Variants in AP1B1 observed in about 807,000 individuals in gnomAD.
AP1B1 encodes the protein AP-1 complex subunit beta-1.
Under a neutral mutation model 104.3 loss-of-function variants are expected in AP1B1, and 36 were observed. The ratio of observed to expected loss-of-function variants is 0.35; its 90% CI spans 0.26 to 0.46. AP1B1 has a LOEUF of 0.46. Among genes scored for constraint, AP1B1 ranks in the 20% least tolerant of loss-of-function variants. AP1B1 has a pLI of 1.00. For missense variants in AP1B1, 901 were observed against 1,247.9 expected (o/e 0.72, Z 4.19); for synonymous variants, 504 against 517.5 (o/e 0.97, Z 0.35).
intron 11 of AP1B1, 45 bp from the exon 12 acceptor site, chr22:29,342,428 G>A (rs754952628): frequency 6.7e-7 from 1 of 1,496,670 alleles, no homozygotes; most frequent in Non-Finnish European, 9.3e-7. Context: ...GGCCTCACAT[G>A]GGGATAGAGG....
Position 29,350,195 on chromosome 22 carries a change from T to A in AP1B1, c.1156-45A>T, listed in dbSNP as rs1220890398. 4 of 1,505,778 alleles carry A rather than the reference T, an allele frequency of 2.7e-6. No homozygotes were observed. The South Asian group carries it at 3.4e-5, about 13-fold the overall frequency. 93.3% of individuals were successfully genotyped at this position (1,505,778 alleles called of 1,614,324 possible). The stretch of plus-strand genomic sequence containing the variant: ...TGTGGGCGAGGTCCCCGCACCCCAT[T>A]TCCAGTAGAGCCTCTGATGTCCACG... On this transcript the variant is annotated intron_variant, in intron 9 of 22. Coordinates refer to ENST00000357586, the MANE Select transcript of AP1B1 (RefSeq NM_001127.4).
Position 29,331,878 on chromosome 22 carries a change from G to A in AP1B1, c.2348C>T (p.Ala783Val), listed in dbSNP as rs748511525. ...LAPAAPLQVH[A>V]PLSPNQTVEI... Reference sequence around the variant, plus strand: ...CACTGTCTGGTTGGGGCTGAGTGGCGCGTGGACCTGGAGGGGGGCGGCGGG... The same window carrying A: ...CACTGTCTGGTTGGGGCTGAGTGGCACGTGGACCTGGAGGGGGGCGGCGGG... The change falls in exon 18 of 23, where the codon GCG (alanine) becomes GTG (valine). Residue 783 changes from alanine to valine, a missense_variant. This residue lies in a region of AP1B1 where 424 missense variants were observed against 494.0 expected (regional missense o/e 0.86). Coordinates refer to ENST00000357586, the MANE Select transcript of AP1B1 (RefSeq NM_001127.4). 8 of 1,613,006 alleles carry A rather than the reference G, an allele frequency of 5.0e-6. No individual in the cohort carries two copies. The South Asian group carries it at 8.8e-5, about 18-fold the overall frequency.
At chr22:29,383,665 C>T (rs1175825869) in intron 1 of AP1B1, among the ~76,000 whole-genome samples, 6 of 142,648 alleles carry the variant, frequency 4.2e-5, no homozygotes, top group South Asian at 2.2e-4. Flanking sequence ...GCCGAGATCA[C>T]GCCACTGCAC....
In AP1B1 at chr22:29,329,159, C is replaced by T. The variant is rs896272632; in HGVS notation, c.2776-264G>A. 5.5e-5 allele frequency: 70 copies of T among 1,284,004 alleles called. No individual in the cohort carries two copies. The African/African-American group carries it at 8.8e-4, about 16-fold the overall frequency. 79.5% of individuals were successfully genotyped at this position (1,284,004 alleles called of 1,614,324 possible). A position where few individuals can be genotyped will look rare whatever the true frequency, so the allele number is the denominator to read the frequency against. On this transcript the variant is annotated intron_variant, in intron 22 of 22. Coordinates refer to ENST00000357586, the MANE Select transcript of AP1B1 (RefSeq NM_001127.4). ...CCCTGCTGGCGAGCAGTGTGAGTCA[C>T]GAGCCGGAGGCTGCCAGGGAGTGCC...
chr22:29,357,671 C>T (rs185511662), intron 5 of AP1B1, among the ~76,000 whole-genome samples: 237 of 149,514 alleles, frequency 1.6e-3, no homozygotes, highest in African/African-American at 5.3e-3. Context: ...AGCCACTGCG[C>T]GCGGCCTCAG....
intron 13 of AP1B1, 64 bp from the exon 14 acceptor site, chr22:29,340,921 G>T: frequency 6.7e-7 from 1 of 1,494,316 alleles, no homozygotes. Context: ...AGAGACCCCA[G>T]CCTCCAGGCA....
chr22:29,340,784 C>T lies in AP1B1; in HGVS notation c.1870G>A (p.Ala624Thr), dbSNP rs574401859. Reference protein sequence around the residue: ...PPGEQPDVIPAQGDLLGDLLN... With the variant: ...PPGEQPDVIPTQGDLLGDLLN... ...AGGTCACCCAGCAGGTCGCCCTGGG[C>T]GGGGATGACATCTGGCTGCTCCCCA... The change falls in exon 14 of 23, where the codon GCC (alanine) becomes ACC (threonine). Residue 624 changes from alanine to threonine, a missense_variant. By Grantham distance (58) the Ala-to-Thr change is moderately conservative (BLOSUM62 0). Around this residue, in one of 3 missense-constraint regions of AP1B1, gnomAD observed 424 missense variants for 494.0 expected, o/e 0.86. Transcript: ENST00000357586. 1.4e-5 allele frequency: 22 copies of T among 1,599,954 alleles called. No homozygotes were observed. Among genetic ancestry groups the T allele is most frequent in the South Asian group, 2.3e-5 (2 of 87,756 alleles).
chr22:29,365,038 A>G (rs1375306281), intron 2 of AP1B1, among the ~76,000 whole-genome samples: 1 of 152,150 alleles, frequency 6.6e-6, no homozygotes, highest in East Asian at 1.9e-4. Flanking sequence ...GCCTAGTCCC[A>G]TACTAACTTG....
At chr22:29,362,830 G>A (rs530739786) in intron 3 of AP1B1, among the ~76,000 whole-genome samples, 171 bp downstream of exon 3, 2 of 152,162 alleles carry the variant, frequency 1.3e-5, no homozygotes, top group East Asian at 3.9e-4. Context: ...CTGGGCTCAT[G>A]ATTCCTGTGT....
At chr22:29,343,237 CTCCCGGAG>C (rs1398280971) in intron 11 of AP1B1, among the ~76,000 whole-genome samples, 2 of 152,256 alleles carry the variant, frequency 1.3e-5, no homozygotes, top group African/African-American at 4.8e-5. Flanking sequence ...CAGCCTGATG[CTCCCGGAG>C]TCAGGGGCAG....
intron 20 of AP1B1, 45 bp from the exon 21 acceptor site, chr22:29,330,577 C>T (rs1442573386): frequency 5.0e-6 from 8 of 1,612,692 alleles, no homozygotes; most frequent in Non-Finnish European, 6.8e-6. Flanking sequence ...AGCGCGGGGG[C>T]CTGGGTACAG....
intron 1 of AP1B1, among the ~76,000 whole-genome samples, chr22:29,374,446 A>G (rs1354523322): frequency 6.6e-6 from 1 of 152,200 alleles, no homozygotes; most frequent in Admixed American, 6.5e-5. Context: ...GACAAGGCCT[A>G]TTTTCCTATA....
chr22:29,344,587 T>C (rs2061762816), intron 11 of AP1B1, among the ~76,000 whole-genome samples: 1 of 142,830 alleles, frequency 7.0e-6, no homozygotes, highest in Admixed American at 7.5e-5. Flanking sequence ...TGCAGTGGGA[T>C]GATCTCATCT....
At chr22:29,383,943 C>G (rs1339813900) in intron 1 of AP1B1, among the ~76,000 whole-genome samples, 1 of 152,176 alleles carries the variant, frequency 6.6e-6, no homozygotes, top group African/African-American at 2.4e-5. Flanking sequence ...ACCCAGACAG[C>G]ATGAGGTGTA....
At chr22:29,370,759 C>G (rs1444155771) in intron 1 of AP1B1, 1 of 151,946 alleles carries the variant, frequency 6.6e-6, no homozygotes, top group Non-Finnish European at 1.5e-5. Context: ...GGTCAAAGCA[C>G]AGCTGCAGGG....
intron 3 of AP1B1, among the ~76,000 whole-genome samples, chr22:29,362,592 G>A (rs1447073881): frequency 6.6e-5 from 10 of 152,094 alleles, no homozygotes; most frequent in East Asian, 1.9e-4. Context: ...AGATCCGCCC[G>A]CCTGGGCCTC....
At position 29,329,601 on chromosome 22, in the gene AP1B1, G is replaced by A. The variant is rs1416069614; in HGVS notation, c.2775+111C>T. 13 of 1,560,738 alleles carry A rather than the reference G, an allele frequency of 8.3e-6. No individual in the cohort carries two copies. In the Middle Eastern group the frequency reaches 5.2e-4, roughly 62 times the overall value. On this transcript the variant is annotated intron_variant, in intron 22 of 22. Coordinates refer to ENST00000357586, the MANE Select transcript of AP1B1 (RefSeq NM_001127.4). ...GCCACCTGGCTGAAGCCCCCCGGGTGAGGTGAGGCCAAGAGATGAGGTGCA... is the reference window on the plus strand; with the variant it reads ...GCCACCTGGCTGAAGCCCCCCGGGTAAGGTGAGGCCAAGAGATGAGGTGCA...
chr22:29,381,302 A>G (rs5752905), intron 1 of AP1B1, among the ~76,000 whole-genome samples: 53,697 of 151,932 alleles, frequency 0.35, 10,397 homozygotes, highest in East Asian at 0.67. Context: ...CCTACACACT[A>G]TAAAATATAC....
At chr22:29,359,661 G>C in intron 4 of AP1B1, 163 bp downstream of exon 4, 1 of 832,114 alleles carries the variant, frequency 1.2e-6, no homozygotes, top group Non-Finnish European at 1.8e-6. Flanking sequence ...TTTCTGGAGA[G>C]TGGGAGCCCT....
Sources: gnomAD v4.1 joint callset for allele counts (sites outside exome capture counted in the v4.1 genomes callset) on GRCh38, gnomAD v4.1.1 for gene constraint, gnomAD v4.1.1 regional missense constraint, MANE v1.5 for transcripts, NCBI Gene and HGNC (gene_info 2026-07-23, HGNC 2026-07-21) for gene names.